TPST2: variants seen among roughly 807,000 people sequenced by gnomAD.
TPST2 encodes the protein tyrosylprotein sulfotransferase 2.
In TPST2, 16 loss-of-function variants were observed where a neutral mutation model predicts 27.8. The ratio of observed to expected loss-of-function variants is 0.58; its 90% CI spans 0.39 to 0.88. The LOEUF is 0.88. Ranked by LOEUF, TPST2 falls within the 40% of genes least tolerant of loss-of-function variation. TPST2 has a pLI of 0.00. For synonymous variants in TPST2, 229 were observed against 231.7 expected, an observed-to-expected ratio of 0.99 and a Z score of 0.10; for missense variants, 464 against 543.1, an observed-to-expected ratio of 0.85 and a Z score of 1.45.
intron 6 of TPST2, among the ~76,000 whole-genome samples, chr22:26,527,607 T>A (rs1438995215): frequency 1.3e-5 from 2 of 152,230 alleles, no homozygotes; most frequent in Non-Finnish European, 2.9e-5. Context: ...AAAGCAAACC[T>A]GGGAGGAATT....
chr22:26,543,821 G>A (rs1397564311), intron 2 of TPST2, among the ~76,000 whole-genome samples: 1 of 152,180 alleles, frequency 6.6e-6, no homozygotes, highest in African/African-American at 2.4e-5. Flanking sequence ...GCAATGACCT[G>A]CACGATGGCT....
Position 26,536,441 on chromosome 22 carries a change from T to C in TPST2, c.888A>G (p.Glu296=). The change falls in exon 4 of 7, where the codon GAA becomes GAG. Residue 296 remains glutamate, a synonymous_variant. Coordinates refer to ENST00000338754, the MANE Select transcript of TPST2 (RefSeq NM_003595.5). The stretch of plus-strand genomic sequence containing the variant: ...TGTGGCCAGTCCACTTGGAGAGCGC[T>C]TCCAGGTTAACAGGCTTGATGACCT... ...TDQVIKPVNL[E]ALSKWTGHIP... The C allele has an allele frequency of 6.4e-7, 1 of 1,558,756 alleles. No homozygotes were observed. The highest frequency in any genetic ancestry group is 8.7e-7 in the Non-Finnish European group (1 of 1,151,486).
chr22:26,529,513 G>A (rs1314976196), intron 5 of TPST2, among the ~76,000 whole-genome samples: 2 of 152,212 alleles, frequency 1.3e-5, no homozygotes, highest in Non-Finnish European at 2.9e-5. Flanking sequence ...CTAGGGGCTA[G>A]GAGCTGGAGA....
Position 26,563,016 on chromosome 22 carries a change from A to G in TPST2, c.-160-18341T>C, listed in dbSNP as rs117880968. Among the ~76,000 whole-genome samples the G allele has an allele frequency of 3.4e-3, 520 of 152,312 alleles. 15 individuals are homozygous for G. The East Asian group carries it at 0.066, about 19-fold the overall frequency. On this transcript the variant is annotated intron_variant, in intron 1 of 6. Transcript: ENST00000338754. ...TGCTGCTAAACATCTTACAATGCCCAGGTAATCCCCAGCACAAAGAATCAT... is the reference window on the plus strand; with the variant it reads ...TGCTGCTAAACATCTTACAATGCCCGGGTAATCCCCAGCACAAAGAATCAT...
chr22:26,549,277 CA>C (rs1365057680), intron 1 of TPST2, among the ~76,000 whole-genome samples: 2 of 152,116 alleles, frequency 1.3e-5, no homozygotes, highest in Non-Finnish European at 2.9e-5. Context: ...TAGCAGAAGC[CA>C]AACAACAAGT....
At chr22:26,571,137 T>C (rs150574614) in intron 1 of TPST2, among the ~76,000 whole-genome samples, 2 of 152,346 alleles carry the variant, frequency 1.3e-5, no homozygotes, top group Non-Finnish European at 2.9e-5. Flanking sequence ...CCTTACAGGT[T>C]TGACCCCACC....
At chr22:26,528,805 A>T (rs1265047910) in intron 5 of TPST2, among the ~76,000 whole-genome samples, 1 of 152,026 alleles carries the variant, frequency 6.6e-6, no homozygotes, top group Non-Finnish European at 1.5e-5. Flanking sequence ...CAACATGGCA[A>T]AACTCTGTCT....
At chr22:26,584,938 C>T (rs1569199211) in intron 1 of TPST2, among the ~76,000 whole-genome samples, 2 of 152,158 alleles carry the variant, frequency 1.3e-5, no homozygotes, top group Admixed American at 1.3e-4. Flanking sequence ...GGTTCACAAA[C>T]GAACATGTTC....
intron 1 of TPST2, among the ~76,000 whole-genome samples, chr22:26,564,998 G>C (rs944058480): frequency 6.6e-6 from 1 of 152,074 alleles, no homozygotes; most frequent in Admixed American, 6.6e-5. Context: ...AGAGAATACT[G>C]TCTGCAGACC....
At position 26,541,466 on chromosome 22, in the gene TPST2, C is replaced by A; in HGVS notation, c.165G>T (p.Val55=). The A allele has an allele frequency of 6.2e-7, 1 of 1,609,924 alleles. No individual in the cohort carries two copies. Among genetic ancestry groups the A allele is most frequent in the Non-Finnish European group, 8.5e-7 (1 of 1,177,980 alleles). The change falls in exon 3 of 7, where the codon GTG becomes GTT. Residue 55 remains valine (V), a synonymous_variant. Coordinates refer to ENST00000338754, the MANE Select transcript of TPST2 (RefSeq NM_003595.5). This position sits in a 1 kb window ranked among gnomAD's most constrained non-coding sequence, Gnocchi z 5.9. Reference sequence around the variant, plus strand: ...AGCGGTATTCCACGTGGTTGGTGCCCACCATCACCAGCTCCTCCTGCTCAG... The same window carrying A: ...AGCGGTATTCCACGTGGTTGGTGCCAACCATCACCAGCTCCTCCTGCTCAG... ...MRPEQEELVM[V]GTNHVEYRYG...
chr22:26,551,957 T>C (rs907112658), intron 1 of TPST2, among the ~76,000 whole-genome samples: 1 of 143,568 alleles, frequency 7.0e-6, no homozygotes, highest in African/African-American at 2.6e-5. Context: ...GGTGCAATCA[T>C]GGCTCACTGC....
intron 1 of TPST2, among the ~76,000 whole-genome samples, 161 bp downstream of exon 1, chr22:26,589,892 G>C (rs1265582016): frequency 2.6e-5 from 4 of 151,908 alleles, no homozygotes; most frequent in Admixed American, 6.6e-5. Flanking sequence ...CTGCCTCCCA[G>C]ATCCCAGCTC....
At chr22:26,566,003 T>G (rs529702345) in intron 1 of TPST2, among the ~76,000 whole-genome samples, 43 of 152,284 alleles carry the variant, frequency 2.8e-4, no homozygotes, top group African/African-American at 1.0e-3. Flanking sequence ...TGGGAATGAG[T>G]ATCTGTTCTG....
At chr22:26,527,491 A>T (rs1031946984) in intron 6 of TPST2, among the ~76,000 whole-genome samples, 3 of 151,940 alleles carry the variant, frequency 2.0e-5, no homozygotes, top group Non-Finnish European at 4.4e-5. Context: ...GAAGGGAGTT[A>T]AACCTGGAGA....
chr22:26,576,152 TG>T (rs1299215765), intron 1 of TPST2, among the ~76,000 whole-genome samples: 1 of 151,636 alleles, frequency 6.6e-6, no homozygotes, highest in Non-Finnish European at 1.5e-5. Flanking sequence ...GACTGTGGAG[TG>T]CTAAGTTCAC....
chr22:26,548,590 GAAGC>G (rs1219857583), intron 1 of TPST2, among the ~76,000 whole-genome samples: 12 of 121,922 alleles, frequency 9.8e-5, no homozygotes, highest in African/African-American at 3.2e-4. Context: ...AGGAAGGAAG[GAAGC>G]AAGCAAGCAA....
At position 26,580,764 on chromosome 22, in the gene TPST2, T is replaced by C. The variant is rs372625612; in HGVS notation, c.-161+9289A>G. ...CCAAAGGAGCCGGTTGTGTCCGATC[T>C]TTGTTAAACAAGAGGAGTCTGGGGA... On this transcript the variant is annotated intron_variant, in intron 1 of 6. Coordinates refer to ENST00000338754, the MANE Select transcript of TPST2 (RefSeq NM_003595.5). 5.3e-5 allele frequency among the ~76,000 whole-genome samples: 8 copies of C among 152,166 alleles called. No homozygotes were observed. In the East Asian group the frequency reaches 7.7e-4, roughly 15 times the overall value.
chr22:26,559,231 T>G (rs1325682020), intron 1 of TPST2, among the ~76,000 whole-genome samples: 1 of 152,218 alleles, frequency 6.6e-6, no homozygotes, highest in Non-Finnish European at 1.5e-5. Context: ...CAGGGTGCAG[T>G]GGCAGATGCC....
intron 1 of TPST2, among the ~76,000 whole-genome samples, chr22:26,552,991 C>T (rs9712924): frequency 0.28 from 39,243 of 139,744 alleles, 5,270 homozygotes; most frequent in African/African-American, 0.29. Flanking sequence ...ACCCGGGAGG[C>T]GGAGGTTGCA....
Sources: allele counts gnomAD v4.1 joint callset (sites outside exome capture counted in the v4.1 genomes callset), GRCh38; gene constraint gnomAD v4.1.1; non-coding constraint Gnocchi (gnomAD v3.1); transcripts MANE v1.5; gene names NCBI Gene and HGNC (gene_info 2026-07-23, HGNC 2026-07-21).